EVC2: variants seen among roughly 807,000 people sequenced by gnomAD.
EVC2 encodes the protein EvC ciliary complex subunit 2, also known as limbin.
In EVC2, 148 loss-of-function variants were observed where a neutral mutation model predicts 149.3. The observed-to-expected ratio is 0.99, with a 90% CI of 0.87 to 1.14. The LOEUF (loss-of-function observed/expected upper bound fraction) is 1.14, where lower values mean the gene tolerates loss of function less well. EVC2 is among the 50% of genes most tolerant of loss of function. The pLI is 0.00. For synonymous variants in EVC2, 776 were observed against 649.9 expected, an observed-to-expected ratio of 1.19 and a Z score of -2.95; for missense variants, 1,854 against 1,627.3, an observed-to-expected ratio of 1.14 and a Z score of -2.40.
chr4:5,641,374 T>C (rs1459772250), intron 9 of EVC2, among the ~76,000 whole-genome samples: 2 of 152,200 alleles, frequency 1.3e-5, no homozygotes, highest in Non-Finnish European at 2.9e-5. Flanking sequence ...AAATGTAACA[T>C]ACTAACAGAA....
chr4:5,562,382 G>A (rs78570849), downstream of EVC2: 1,387 of 918,088 alleles, frequency 1.5e-3, 16 homozygotes, highest in African/African-American at 0.021. This position sits in a 1 kb window ranked among gnomAD's most constrained non-coding sequence, Gnocchi z 4.3. Context: ...AACGTAAGAC[G>A]TAATTTCAAA....
intron 11 of EVC2, 79 bp from the exon 12 acceptor site, chr4:5,628,813 A>C (rs1716323348): frequency 5.7e-6 from 8 of 1,404,168 alleles, no homozygotes; most frequent in South Asian, 1.3e-5. Flanking sequence ...TTAAAATATT[A>C]TTTTTCCTTT....
intron 10 of EVC2, among the ~76,000 whole-genome samples, chr4:5,639,113 G>C (rs1282671272): frequency 1.3e-5 from 2 of 150,944 alleles, no homozygotes; most frequent in African/African-American, 5.0e-5. Context: ...CTCATCCCCT[G>C]TCTGACCACA....
chr4:5,602,443 C>T (rs530034801), intron 16 of EVC2, among the ~76,000 whole-genome samples: 33 of 151,812 alleles, frequency 2.2e-4, no homozygotes, highest in Middle Eastern at 3.4e-3. Flanking sequence ...CAGTTTTCTA[C>T]AAGATTCAAC....
intron 21 of EVC2, among the ~76,000 whole-genome samples, chr4:5,564,499 G>T (rs1722143481): frequency 6.6e-6 from 1 of 152,194 alleles, no homozygotes; most frequent in Non-Finnish European, 1.5e-5. Flanking sequence ...ATGAAGCTCG[G>T]TCTCAGCACC....
In EVC2 at chr4:5,689,212, A is replaced by T; in HGVS notation, c.651T>A (p.Ser217=). 1.9e-6 allele frequency: 3 copies of T among 1,614,260 alleles called. No individual in the cohort carries two copies. The highest frequency in any genetic ancestry group is 1.7e-6 in the Non-Finnish European group (2 of 1,180,048). The change falls in exon 5 of 22, where the codon TCT becomes TCA. Residue 217 remains serine, a synonymous_variant. Transcript: ENST00000344408. ...ATCCTTCCGAGGTCCTGTTTCCCAC[A>T]GAGTCCCAAATGGTGAGACCAGCAA... The part of the protein sequence containing the change: ...DSIAGLTIWD[S]VGNRTSEGFQ...
rs747769685 is a variant in EVC2, at chr4:5,584,803, C to T, written c.2877G>A (p.Gln959=). Residue 959 remains glutamine, a synonymous_variant, in exon 17 of 22, where the codon CAG becomes CAA. Transcript: ENST00000344408. ...CAAGCGACTGTGCAAAGCCTCCCTC[C>T]TGTGCCTCCATCCGCTGCACTCTCT... The part of the protein sequence containing the change: ...LRERVQRMEA[Q]EGGFAQSLVA... 1.2e-6 allele frequency: 2 copies of T among 1,614,222 alleles called. No homozygotes were observed. Among genetic ancestry groups the T allele is most frequent in the East Asian group, 2.2e-5 (1 of 44,868 alleles).
rs1160343437 is a variant in EVC2, at chr4:5,576,201, G to A, written c.3272+39C>T. The A allele has an allele frequency of 6.2e-7, 1 of 1,613,944 alleles. No individual in the cohort carries two copies. The highest frequency in any genetic ancestry group is 8.5e-7 in the Non-Finnish European group (1 of 1,180,022). On this transcript the variant is annotated intron_variant, in intron 18 of 21. Transcript: ENST00000344408. This position sits in a 1 kb window ranked among gnomAD's most constrained non-coding sequence, Gnocchi z 4.5. The stretch of plus-strand genomic sequence containing the variant: ...ATGCCAGGTTCTCCAGGACTGCTGG[G>A]GACTAATATCTTTGAGTGCTACGGG...
chr4:5,583,687 G>A (rs11723966), intron 17 of EVC2, among the ~76,000 whole-genome samples: 63,986 of 151,532 alleles, frequency 0.42, 14,429 homozygotes, highest in East Asian at 0.85. Context: ...ATCTATAGTC[G>A]TGTTGCTTTT....
intron 1 of EVC2, among the ~76,000 whole-genome samples, chr4:5,698,804 C>T (rs897481052): frequency 2.2e-4 from 33 of 152,240 alleles, no homozygotes; most frequent in Admixed American, 1.6e-3. Context: ...CTGCACGCAA[C>T]GGCTGGTTTC....
chr4:5,687,698 G>A (rs1056290964), intron 5 of EVC2, among the ~76,000 whole-genome samples: 23 of 152,284 alleles, frequency 1.5e-4, no homozygotes, highest in African/African-American at 5.1e-4. Flanking sequence ...ACCCACACAA[G>A]AGCAAGAGTA....
rs950244202 is a variant in EVC2, at chr4:5,696,686, G to A, written c.283+907C>T. Reference sequence around the variant, plus strand: ...GAGAGGGAAGGAGAAAGGCAGAGCCGTAGGAGCATTGAGAACCTTGTGCTC... The same window carrying A: ...GAGAGGGAAGGAGAAAGGCAGAGCCATAGGAGCATTGAGAACCTTGTGCTC... On this transcript the variant is annotated intron_variant, in intron 2 of 21. Coordinates refer to ENST00000344408, the MANE Select transcript of EVC2 (RefSeq NM_147127.5). This position sits in a 1 kb window ranked among gnomAD's most constrained non-coding sequence, Gnocchi z 4.1. Among the ~76,000 whole-genome samples, 7 of 152,222 alleles carry A rather than the reference G, an allele frequency of 4.6e-5. No homozygotes were observed. The highest frequency in any genetic ancestry group is 3.2e-3 in the Middle Eastern group (1 of 316).
intron 16 of EVC2, among the ~76,000 whole-genome samples, chr4:5,595,867 G>C (rs1326640858): frequency 1.3e-5 from 2 of 152,126 alleles, no homozygotes; most frequent in Non-Finnish European, 2.9e-5. Context: ...TAAAAGGATG[G>C]AGAAAGAGCT....
At chr4:5,655,607 C>T (rs1361272300) in intron 9 of EVC2, among the ~76,000 whole-genome samples, 1 of 152,068 alleles carries the variant, frequency 6.6e-6, no homozygotes, top group African/African-American at 2.4e-5. Flanking sequence ...CCTGCACCAC[C>T]CAAGGGACAG....
intron 3 of EVC2, 58 bp downstream of exon 3, chr4:5,694,277 T>C: frequency 6.3e-7 from 1 of 1,584,238 alleles, no homozygotes; most frequent in Non-Finnish European, 8.7e-7. Context: ...ATACAGGCCA[T>C]AATTGGTTTA....
At chr4:5,616,206 C>T (rs1034336492) in intron 15 of EVC2, among the ~76,000 whole-genome samples, 1 of 152,160 alleles carries the variant, frequency 6.6e-6, no homozygotes, top group Non-Finnish European at 1.5e-5. Flanking sequence ...CTTCCCTCTC[C>T]CCTGAGAACT....
chr4:5,541,578 C>T (rs928327433), downstream of EVC2, among the ~76,000 whole-genome samples: 1 of 152,178 alleles, frequency 6.6e-6, no homozygotes, highest in Non-Finnish European at 1.5e-5. Context: ...AAGGACTTCA[C>T]ATCCTTGTGT....
chr4:5,685,550 C>T, intron 5 of EVC2, 71 bp from the exon 6 acceptor site: 2 of 1,282,642 alleles, frequency 1.6e-6, no homozygotes, highest in Non-Finnish European at 2.2e-6. Flanking sequence ...CACCACACCC[C>T]AGACACATCC....
At chr4:5,664,939 G>A (rs540449288) in intron 8 of EVC2, among the ~76,000 whole-genome samples, 1 of 151,668 alleles carries the variant, frequency 6.6e-6, no homozygotes, top group South Asian at 2.1e-4. Context: ...GGCTGCGTGT[G>A]GGTGATGGGG....
Sources: gnomAD v4.1 joint callset for allele counts (sites outside exome capture counted in the v4.1 genomes callset) on GRCh38, gnomAD v4.1.1 for gene constraint, Gnocchi (gnomAD v3.1) non-coding constraint, MANE v1.5 for transcripts, NCBI Gene and HGNC (gene_info 2026-07-23, HGNC 2026-07-21) for gene names.